Variants in FAT2 observed in about 807,000 individuals in gnomAD.
FAT2 encodes the protein FAT atypical cadherin 2.
A neutral mutation model predicts 295.3 loss-of-function variants in FAT2; 150 were observed. The observed-to-expected ratio is 0.51, with a 90% CI of 0.44 to 0.58. The LOEUF is 0.58. FAT2 is among the 20% of genes least tolerant of loss of function. The pLI is 0.00. For synonymous variants in FAT2, 2,026 were observed against 2,150.3 expected (o/e 0.94, Z 1.60); for missense variants, 4,868 against 5,442.7 (o/e 0.89, Z 3.32).
In FAT2 at chr5:151,567,467, C is replaced by T; in HGVS notation, c.1465G>A (p.Glu489Lys). ...AVTATDRDHG[E>K]NGYVTYSIAG... The stretch of plus-strand genomic sequence containing the variant: ...ATGGAATAGGTGACATATCCATTTT[C>T]CCCATGATCCCGGTCAGTGGCAGTC... The change falls in exon 2 of 24, where the codon GAA (glutamate) becomes AAA (lysine). Residue 489 changes from glutamate to lysine, a missense_variant. Around this residue, in one of 5 missense-constraint regions of FAT2, gnomAD observed 3,297 missense variants for 3,669.4 expected, o/e 0.90. Coordinates refer to ENST00000261800, the MANE Select transcript of FAT2 (RefSeq NM_001447.3). The T allele has an allele frequency of 6.2e-7, 1 of 1,614,068 alleles. No homozygotes were observed. The highest frequency in any genetic ancestry group is 8.5e-7 in the Non-Finnish European group (1 of 1,179,996).
chr5:151,558,643 C>A (rs1368060972), intron 3 of FAT2, among the ~76,000 whole-genome samples: 2 of 151,952 alleles, frequency 1.3e-5, no homozygotes, highest in Non-Finnish European at 2.9e-5. Context: ...GGAGCTACAG[C>A]AGAAATAACA....
chr5:151,551,694 G>T, intron 6 of FAT2, 88 bp from the exon 7 acceptor site: 1 of 1,419,550 alleles, frequency 7.0e-7, no homozygotes, highest in Non-Finnish European at 9.7e-7. Context: ...AGGCTCAGAG[G>T]ACACGGTGGT....
intron 19 of FAT2, 91 bp from the exon 20 acceptor site, chr5:151,517,856 A>G (rs1753021449): frequency 1.4e-6 from 2 of 1,471,110 alleles, no homozygotes; most frequent in Admixed American, 1.9e-5. Flanking sequence ...CTTGGGTGGC[A>G]GACAGAATCA....
chr5:151,559,226 G>GT (rs1245033727), intron 3 of FAT2, among the ~76,000 whole-genome samples: 1 of 152,238 alleles, frequency 6.6e-6, no homozygotes, highest in Non-Finnish European at 1.5e-5. Context: ...GCCTTGTGCA[G>GT]TTGAACGCAA....
At position 151,537,984 on chromosome 5, in the gene FAT2, G is replaced by A. The variant is rs3816007; in HGVS notation, c.9040-38C>T. On this transcript the variant is annotated intron_variant, in intron 11 of 23. Coordinates refer to ENST00000261800, the MANE Select transcript of FAT2 (RefSeq NM_001447.3). ...AGACAAAGAAGAGGGAGACTGTGGG[G>A]ACTGCATTCAGATCCAGAGAGAAGC... 644,266 of 1,594,924 alleles carry A rather than the reference G, an allele frequency of 0.4. 132,024 individuals carry two copies. Among genetic ancestry groups the A allele is most frequent in the African/African-American group, 0.47 (35,145 of 74,480 alleles).
intron 3 of FAT2, among the ~76,000 whole-genome samples, 179 bp from the exon 4 acceptor site, chr5:151,556,581 G>A (rs1254475847): frequency 6.6e-6 from 1 of 152,194 alleles, no homozygotes; most frequent in Non-Finnish European, 1.5e-5. Flanking sequence ...TTATCATGGT[G>A]TGGAAGTGAT....
intron 1 of FAT2, among the ~76,000 whole-genome samples, chr5:151,587,647 C>T (rs190622570): frequency 1.3e-5 from 2 of 152,290 alleles, no homozygotes; most frequent in East Asian, 1.9e-4. Flanking sequence ...TGTTTTACCA[C>T]CTACCCCAAG....
At chr5:151,585,595 G>A (rs1189600136) in intron 1 of FAT2, among the ~76,000 whole-genome samples, 1 of 152,186 alleles carries the variant, frequency 6.6e-6, no homozygotes, top group African/African-American at 2.4e-5. Context: ...CTGGGCAACA[G>A]AGCAAGATTC....
chr5:151,592,039 G>A (rs1759431100), upstream of FAT2, among the ~76,000 whole-genome samples: 1 of 152,214 alleles, frequency 6.6e-6, no homozygotes, highest in South Asian at 2.1e-4. Context: ...TCATAAGGTT[G>A]TACAGATTCA....
At chr5:151,507,078 C>T in intron 23 of FAT2, 76 bp downstream of exon 23, 2 of 1,332,940 alleles carry the variant, frequency 1.5e-6, no homozygotes, top group Non-Finnish European at 2.1e-6. Flanking sequence ...ATGCCTGTGC[C>T]TCAGATAACG....
rs1386082196 is a variant in FAT2 at position 151,539,016 on chromosome 5, G to A, written c.9040-1070C>T. ...ATGGTTCCCCAGGCCTCTTTTTTCT[G>A]TTCTAGTGATGCTGTGAACCATCTC... On this transcript the variant is annotated intron_variant, in intron 11 of 23. Coordinates refer to ENST00000261800, the MANE Select transcript of FAT2 (RefSeq NM_001447.3). Among the ~76,000 whole-genome samples the A allele has an allele frequency of 3.3e-5, 5 of 151,976 alleles. No homozygotes were observed. In the South Asian group the frequency reaches 8.3e-4, roughly 25 times the overall value.
upstream of FAT2, among the ~76,000 whole-genome samples, chr5:151,592,104 G>A (rs1759434361): frequency 6.6e-6 from 1 of 152,188 alleles, no homozygotes; most frequent in Non-Finnish European, 1.5e-5. Flanking sequence ...TCACTGGGGT[G>A]CAGGACGCCT....
rs781393886 is a variant in FAT2 at position 151,544,815 on chromosome 5, A to C, written c.6312T>G (p.Ala2104=). The part of the protein sequence containing the change: ...ATDEDLGTNG[A]VTYEFAEDYT... ...AATCTTCTGCAAATTCATATGTAAC[A>C]GCCCCATTTGTCCCCAAGTCCTCAT... The change falls in exon 10 of 24, where the codon GCT becomes GCG. Residue 2104 remains alanine (A), a synonymous_variant. Transcript: ENST00000261800. 1 of 1,614,222 alleles carries C rather than the reference A, an allele frequency of 6.2e-7. No individual in the cohort carries two copies. Among genetic ancestry groups the C allele is most frequent in the South Asian group, 1.1e-5 (1 of 91,086 alleles).
rs892797021 is a variant in FAT2, at chr5:151,558,977, A to G, written c.3575-2575T>C. On this transcript the variant is annotated intron_variant, in intron 3 of 23. Transcript: ENST00000261800. ...GAAAGCAGAGCTACTGGTCGAGGTTAATGGAACATCTGAACACTTTCACTT... is the reference window on the plus strand; with the variant it reads ...GAAAGCAGAGCTACTGGTCGAGGTTGATGGAACATCTGAACACTTTCACTT... Among the ~76,000 whole-genome samples the G allele has an allele frequency of 6.6e-5, 10 of 152,370 alleles. No individual in the cohort carries two copies. In the East Asian group the frequency reaches 1.2e-3, roughly 18 times the overall value.
intron 20 of FAT2, among the ~76,000 whole-genome samples, chr5:151,516,893 G>T (rs1161452969): frequency 4.6e-5 from 7 of 152,060 alleles, no homozygotes; most frequent in Admixed American, 4.6e-4. Flanking sequence ...ATCACCTGAG[G>T]TCAGGAGTTC....
intron 17 of FAT2, 28 bp downstream of exon 17, chr5:151,527,206 T>G: frequency 6.3e-7 from 1 of 1,578,902 alleles, no homozygotes. Flanking sequence ...GAGGAAGGGC[T>G]CAGGGTGCCT....
intron 1 of FAT2, among the ~76,000 whole-genome samples, chr5:151,572,503 T>C (rs1758571571): frequency 6.6e-6 from 1 of 152,234 alleles, no homozygotes; most frequent in Non-Finnish European, 1.5e-5. Flanking sequence ...GACTGTTTGA[T>C]TTCAAATCAC....
At position 151,546,314 on chromosome 5, in the gene FAT2, T is replaced by C; in HGVS notation, c.4813A>G (p.Ile1605Val). The change falls in exon 10 of 24, where the codon ATC (isoleucine) becomes GTC (valine). Residue 1605 changes from isoleucine to valine, a missense_variant. Ile to Val is a conservative substitution (Grantham distance 29, BLOSUM62 3). Coordinates refer to ENST00000261800, the MANE Select transcript of FAT2 (RefSeq NM_001447.3). The stretch of plus-strand genomic sequence containing the variant: ...GTAATGATGCCTAGCAGGGCATTGA[T>C]GTTGAAGAAACCTTCGCTGTTCCCT... ...LKGNSEGFFN[I>V]NALLGIITLA... 1 of 1,613,230 alleles carries C rather than the reference T, an allele frequency of 6.2e-7. No individual in the cohort carries two copies. Among genetic ancestry groups the C allele is most frequent in the East Asian group, 2.2e-5 (1 of 44,876 alleles).
chr5:151,532,063 G>A lies in FAT2; in HGVS notation c.9428-93C>T, dbSNP rs569898907. The A allele has an allele frequency of 7.9e-5, 120 of 1,512,832 alleles. No homozygotes were observed. In the African/African-American group the frequency reaches 1.6e-3, roughly 20 times the overall value. The allele number at this position is 1,512,832 out of a possible 1,614,324, so 93.7% of individuals were successfully genotyped here. On this transcript the variant is annotated intron_variant, in intron 13 of 23. Coordinates refer to ENST00000261800, the MANE Select transcript of FAT2 (RefSeq NM_001447.3). ...CTGCAGCCACAGGAGGGGCTGGGGA[G>A]GGGCTCCCATGAAGGCGGACAAGCT...
Sources: gnomAD v4.1 joint callset for allele counts (sites outside exome capture counted in the v4.1 genomes callset) on GRCh38, gnomAD v4.1.1 for gene constraint, gnomAD v4.1.1 regional missense constraint, MANE v1.5 for transcripts, NCBI Gene and HGNC (gene_info 2026-07-23, HGNC 2026-07-21) for gene names.